Variants in GCNT2 observed in about 807,000 individuals in gnomAD.
GCNT2 encodes glucosaminyl (N-acetyl) transferase 2 (I blood group), also known as N-acetyllactosaminide beta-1,6-N-acetylglucosaminyl-transferase.
A neutral mutation model predicts 34.2 loss-of-function variants in GCNT2; 34 were observed. That is an observed-to-expected ratio of 1.00 (90% CI 0.76 to 1.32). The LOEUF is 1.32. Ranked by LOEUF, GCNT2 falls within the 40% of genes most tolerant of loss-of-function variation. The pLI is 0.00. For missense variants in GCNT2, 584 were observed against 489.4 expected (o/e 1.19, Z -1.82); for synonymous variants, 212 against 188.0 (o/e 1.13, Z -1.04).
chr6:10,528,948 T>C lies in GCNT2; in HGVS notation c.37T>C (p.Ser13Pro), dbSNP rs747247620. Reference protein sequence around the residue: ...GSWKHCLFSASLISALIFVFV... With the variant: ...GSWKHCLFSAPLISALIFVFV... Reference sequence around the variant, plus strand: ...TTGGAAGCACTGTCTTTTTAGCGCGTCTCTTATCTCTGCCCTGATTTTTGT... The same window carrying C: ...TTGGAAGCACTGTCTTTTTAGCGCGCCTCTTATCTCTGCCCTGATTTTTGT... The change falls in exon 3 of 5, where the codon TCT becomes CCT. Residue 13 changes from serine (S) to proline (P), a missense_variant. Coordinates refer to ENST00000495262, the MANE Select transcript of GCNT2 (RefSeq NM_145649.5). 6.2e-7 allele frequency: 1 copy of C among 1,614,004 alleles called. No homozygotes were observed.
intron 3 of GCNT2, among the ~76,000 whole-genome samples, chr6:10,541,861 C>T (rs1762048765): frequency 6.6e-6 from 1 of 152,176 alleles, no homozygotes. Context: ...CAAGCCCCTA[C>T]CCTCAGGCAG....
intron 4 of GCNT2, among the ~76,000 whole-genome samples, chr6:10,622,615 A>C (rs915644008): frequency 6.6e-6 from 1 of 152,066 alleles, no homozygotes; most frequent in Non-Finnish European, 1.5e-5. Context: ...TTCAGTCCAT[A>C]ATATGCAATA....
intron 2 of GCNT2, 138 bp from the exon 3 acceptor site, chr6:10,528,493 C>A: frequency 4.0e-6 from 1 of 248,048 alleles, no homozygotes; most frequent in Non-Finnish European, 7.9e-6. Flanking sequence ...TAGACTCTGG[C>A]CGGGACAAGA....
intron 3 of GCNT2, among the ~76,000 whole-genome samples, chr6:10,616,686 C>A (rs1425383501): frequency 6.6e-6 from 1 of 152,192 alleles, no homozygotes; most frequent in Non-Finnish European, 1.5e-5. Flanking sequence ...TTGGTGCACT[C>A]ACAAACCCTG....
At chr6:10,587,717 C>T (rs1184022840) in intron 3 of GCNT2, among the ~76,000 whole-genome samples, 1 of 152,202 alleles carries the variant, frequency 6.6e-6, no homozygotes, top group East Asian at 1.9e-4. Context: ...CAAGCTCCCT[C>T]GTTGGTTCAG....
chr6:10,603,704 G>A (rs1446692203), intron 3 of GCNT2, among the ~76,000 whole-genome samples: 1 of 151,528 alleles, frequency 6.6e-6, no homozygotes, highest in African/African-American at 2.4e-5. Context: ...TAGTAGAGAC[G>A]GGGTTTCACC....
At chr6:10,559,288 G>C (rs760897091) in intron 3 of GCNT2, among the ~76,000 whole-genome samples, 5 of 152,154 alleles carry the variant, frequency 3.3e-5, no homozygotes, top group African/African-American at 4.8e-5. Flanking sequence ...ATGCTATCTA[G>C]ATGGGTATAG....
chr6:10,553,998 G>A (rs1214309791), intron 3 of GCNT2, among the ~76,000 whole-genome samples: 1 of 152,198 alleles, frequency 6.6e-6, no homozygotes, highest in Non-Finnish European at 1.5e-5. Flanking sequence ...GTGTTAACAT[G>A]TCTAGCCTGA....
intron 3 of GCNT2, among the ~76,000 whole-genome samples, chr6:10,590,181 T>C (rs928281167): frequency 6.6e-6 from 1 of 152,118 alleles, no homozygotes; most frequent in Non-Finnish European, 1.5e-5. Context: ...GAGGATTGCT[T>C]GAGGTCAGGA....
chr6:10,617,474 C>T lies in GCNT2; in HGVS notation c.926-3877C>T, dbSNP rs928161941. 3.3e-5 allele frequency among the ~76,000 whole-genome samples: 5 copies of T among 152,314 alleles called. No individual in the cohort carries two copies. The East Asian group carries it at 5.8e-4, about 18-fold the overall frequency. On this transcript the variant is annotated intron_variant, in intron 3 of 4. Transcript: ENST00000495262. ...CAGAAAGGGGCTCCCACAGTGCAGC[C>T]GCGGGCTGAAGGGCTCCTCAAGTGG...
intron 3 of GCNT2, chr6:10,557,078 C>G: frequency 1.3e-6 from 2 of 1,593,342 alleles, no homozygotes; most frequent in Non-Finnish European, 1.7e-6. Flanking sequence ...AGGGGTGCTG[C>G]CCCCAGCTCA....
At chr6:10,564,894 G>GT (rs1243977303) in intron 3 of GCNT2, among the ~76,000 whole-genome samples, 1 of 152,148 alleles carries the variant, frequency 6.6e-6, no homozygotes, top group South Asian at 2.1e-4. Context: ...ATTTTAGAAG[G>GT]AAGAGACAGC....
intron 3 of GCNT2, among the ~76,000 whole-genome samples, chr6:10,553,755 G>A (rs518163): frequency 3.3e-5 from 5 of 152,310 alleles, no homozygotes; most frequent in South Asian, 2.1e-4. Context: ...TTAGCTGGGC[G>A]TGGTGGCACA....
intron 3 of GCNT2, among the ~76,000 whole-genome samples, chr6:10,602,614 CA>C (rs1413265252): frequency 6.6e-6 from 1 of 152,136 alleles, no homozygotes; most frequent in African/African-American, 2.4e-5. Flanking sequence ...TGACCTTAAA[CA>C]ACTTTTGACC....
At chr6:10,552,521 A>G (rs932550357) in intron 3 of GCNT2, among the ~76,000 whole-genome samples, 1 of 152,078 alleles carries the variant, frequency 6.6e-6, no homozygotes, top group Non-Finnish European at 1.5e-5. Flanking sequence ...TTATTCCCTA[A>G]GGAATACAGC....
At chr6:10,567,729 G>A (rs1252672409) in intron 3 of GCNT2, among the ~76,000 whole-genome samples, 1 of 152,096 alleles carries the variant, frequency 6.6e-6, no homozygotes, top group Non-Finnish European at 1.5e-5. Flanking sequence ...GTATAGAATC[G>A]ATCTTTTCTG....
chr6:10,601,690 T>G (rs1016245729), intron 3 of GCNT2, among the ~76,000 whole-genome samples: 4 of 152,010 alleles, frequency 2.6e-5, no homozygotes, highest in African/African-American at 9.7e-5. Context: ...GCCTGTAATC[T>G]CAGCACTTTG....
At chr6:10,589,149 GGTGT>G (rs1480364286) in intron 3 of GCNT2, among the ~76,000 whole-genome samples, 1 of 133,950 alleles carries the variant, frequency 7.5e-6, no homozygotes, top group South Asian at 2.5e-4. Flanking sequence ...ATGTGGTGTG[GGTGT>G]GTGTGCGTGT....
At chr6:10,621,187 T>C (rs1037438537) in intron 3 of GCNT2, among the ~76,000 whole-genome samples, 164 bp from the exon 4 acceptor site, 3 of 152,234 alleles carry the variant, frequency 2.0e-5, no homozygotes, top group African/African-American at 7.2e-5. Context: ...AAAGATCAAC[T>C]GGAGGAAACA....
Sources: gnomAD v4.1 joint callset for allele counts (sites outside exome capture counted in the v4.1 genomes callset) on GRCh38, gnomAD v4.1.1 for gene constraint, MANE v1.5 for transcripts, NCBI Gene and HGNC (gene_info 2026-07-23, HGNC 2026-07-21) for gene names.